Variants in MTREX observed in about 807,000 individuals in gnomAD.
MTREX encodes the protein Mtr4 exosome RNA helicase.
A neutral mutation model predicts 135.4 loss-of-function variants in MTREX; 76 were observed. The ratio of observed to expected loss-of-function variants is 0.56; its 90% CI spans 0.47 to 0.68. The LOEUF is 0.68. MTREX is among the 30% of genes least tolerant of loss of function. The pLI, the probability that MTREX is intolerant of heterozygous loss-of-function variation, is 0.00. For missense variants in MTREX, 920 were observed against 1,262.1 expected (o/e 0.73, Z 4.11); for synonymous variants, 404 against 401.6 (o/e 1.01, Z -0.07).
chr5:55,351,206 G>A (rs1418512148), intron 13 of MTREX, among the ~76,000 whole-genome samples, 177 bp downstream of exon 13: 3 of 151,756 alleles, frequency 2.0e-5, no homozygotes, highest in Non-Finnish European at 4.4e-5. Context: ...TTGAAGTGTA[G>A]GTAAAAAAAA....
Position 55,414,275 on chromosome 5 carries a change from T to G in MTREX, c.2808+37T>G, listed in dbSNP as rs763680683. 2.8e-6 allele frequency: 4 copies of G among 1,434,284 alleles called. No homozygotes were observed. The East Asian group carries it at 9.3e-5, about 34-fold the overall frequency. 88.8% of individuals were successfully genotyped at this position (1,434,284 alleles called of 1,614,324 possible). ...TTTTTTTTTTTTTGAACTACATATT[T>G]TATGAATAGTAGATTGTAAAATAAA... is the stretch of plus-strand genomic sequence containing the variant. On this transcript the variant is annotated intron_variant, in intron 24 of 26. Coordinates refer to ENST00000230640, the MANE Select transcript of MTREX (RefSeq NM_015360.5).
chr5:55,382,622 G>GT (rs543817592), intron 18 of MTREX, among the ~76,000 whole-genome samples: 21 of 150,454 alleles, frequency 1.4e-4, no homozygotes, highest in African/African-American at 2.9e-4. Flanking sequence ...ATCATTTATG[G>GT]TTTTTTTTTG....
At chr5:55,367,213 G>A (rs1403558045) in intron 16 of MTREX, among the ~76,000 whole-genome samples, 2 of 152,146 alleles carry the variant, frequency 1.3e-5, no homozygotes, top group Non-Finnish European at 2.9e-5. Flanking sequence ...GCGGCTGGGC[G>A]CAGTGGCTCA....
chr5:55,417,522 A>G (rs1750985345), intron 25 of MTREX, among the ~76,000 whole-genome samples: 1 of 152,192 alleles, frequency 6.6e-6, no homozygotes, highest in Non-Finnish European at 1.5e-5. Context: ...ATCCACAGAA[A>G]AGTCATGCTT....
intron 1 of MTREX, among the ~76,000 whole-genome samples, chr5:55,311,967 G>A (rs1437733826): frequency 6.6e-6 from 1 of 151,946 alleles, no homozygotes; most frequent in African/African-American, 2.4e-5. Flanking sequence ...TTAGATTCAG[G>A]TTCAGTTTAC....
At position 55,322,413 on chromosome 5, in the gene MTREX, C is replaced by G. The variant is rs1579847797; in HGVS notation, c.221C>G (p.Pro74Arg). Residue 74 changes from proline to arginine, a missense_variant, in exon 2 of 27, where the codon CCC (proline) becomes CGC (arginine). Physicochemically the swap from Pro to Arg is moderately radical, Grantham distance 103. This residue lies in a region of MTREX where 136 missense variants were observed against 126.7 expected (regional missense o/e 1.07). Transcript: ENST00000230640. ...GTAGATTTCGAAGGTACAGATGAACCCATTTTTGGAAAGAAGCCCAGGATA... is the reference window on the plus strand; with the variant it reads ...GTAGATTTCGAAGGTACAGATGAACGCATTTTTGGAAAGAAGCCCAGGATA... ...RDVDFEGTDE[P>R]IFGKKPRIEE... 2.5e-6 allele frequency: 4 copies of G among 1,607,622 alleles called. No homozygotes were observed. Among genetic ancestry groups the G allele is most frequent in the African/African-American group, 1.3e-5 (1 of 74,668 alleles).
chr5:55,340,814 C>A (rs1749636801), intron 6 of MTREX, among the ~76,000 whole-genome samples: 1 of 152,150 alleles, frequency 6.6e-6, no homozygotes, highest in Non-Finnish European at 1.5e-5. Flanking sequence ...ATCTCCTGAC[C>A]TCATGATCTG....
chr5:55,364,350 A>G (rs796592769), intron 15 of MTREX, among the ~76,000 whole-genome samples: 1 of 152,184 alleles, frequency 6.6e-6, no homozygotes, highest in South Asian at 2.1e-4. Flanking sequence ...AGAGTTTACA[A>G]CATGTCCAGT....
chr5:55,414,237 AG>A lies in MTREX; in HGVS notation c.2808+1del. 1 of 1,533,630 alleles carries A rather than the reference AG, an allele frequency of 6.5e-7. No homozygotes were observed. Among genetic ancestry groups the A allele is most frequent in the East Asian group, 2.3e-5 (1 of 43,484 alleles). ...EQLAGPLRQM[Q>X]ECAKRIAKVS... Reference sequence around the variant, plus strand: ...TTAGCAGGACCACTTCGTCAAATGCAGGTAAGGTTTTTTTTTTTTTTTTTTG... The same window carrying A: ...TTAGCAGGACCACTTCGTCAAATGCAGTAAGGTTTTTTTTTTTTTTTTTTG... On this transcript the variant is annotated frameshift_variant and splice_region_variant, in exon 24 of 27. Transcript: ENST00000230640. LOFTEE classifies it high-confidence loss of function.
chr5:55,354,470 C>G (rs2290598), intron 14 of MTREX, among the ~76,000 whole-genome samples: 19,609 of 152,216 alleles, frequency 0.13, 1,499 homozygotes, highest in East Asian at 0.26. Context: ...TGGTGATTCT[C>G]TCTGCTTGGA....
At chr5:55,364,197 G>A (rs1750058997) in intron 15 of MTREX, among the ~76,000 whole-genome samples, 1 of 152,168 alleles carries the variant, frequency 6.6e-6, no homozygotes, top group Non-Finnish European at 1.5e-5. Context: ...CATGTATTTG[G>A]ATTTCTTAGT....
intron 14 of MTREX, among the ~76,000 whole-genome samples, chr5:55,356,092 G>GC (rs1749907728): frequency 6.6e-6 from 1 of 152,210 alleles, no homozygotes; most frequent in East Asian, 1.9e-4. Context: ...GTCACAGACA[G>GC]CCCCCTGTGC....
chr5:55,367,746 G>T (rs1335911287), intron 16 of MTREX, among the ~76,000 whole-genome samples: 1 of 152,162 alleles, frequency 6.6e-6, no homozygotes, highest in Non-Finnish European at 1.5e-5. Context: ...GTGACTGATG[G>T]TCATAAGAGC....
At chr5:55,414,276 TA>T in intron 24 of MTREX, 38 bp downstream of exon 24, 1 of 1,431,352 alleles carries the variant, frequency 7.0e-7, no homozygotes, top group Non-Finnish European at 9.5e-7. Flanking sequence ...CTACATATTT[TA>T]TGAATAGTAG....
intron 3 of MTREX, chr5:55,327,472 A>G: frequency 5.0e-6 from 2 of 403,028 alleles, no homozygotes; most frequent in Non-Finnish European, 9.0e-6. Context: ...TCAGGGAGAT[A>G]AACATCAGCT....
intron 20 of MTREX, among the ~76,000 whole-genome samples, chr5:55,399,060 G>A (rs1412550389): frequency 6.6e-6 from 1 of 152,032 alleles, no homozygotes; most frequent in East Asian, 1.9e-4. Flanking sequence ...CTCTGTTCTG[G>A]AACCTCACAC....
intron 5 of MTREX, among the ~76,000 whole-genome samples, chr5:55,333,642 C>G (rs1022882160): frequency 6.6e-6 from 1 of 152,006 alleles, no homozygotes; most frequent in African/African-American, 2.4e-5. Flanking sequence ...ATTGTAGATA[C>G]TAGAAAACCT....
chr5:55,324,115 A>T lies in MTREX; in HGVS notation c.273-17A>T. Reference sequence around the variant, plus strand: ...AAGTAATTTGTTTTTGTGTAACTTTAAACAATTCTTTTTAAGTTTGGCAGA... The same window carrying T: ...AAGTAATTTGTTTTTGTGTAACTTTTAACAATTCTTTTTAAGTTTGGCAGA... On this transcript the variant is annotated splice_polypyrimidine_tract_variant and intron_variant, in intron 2 of 26. Coordinates refer to ENST00000230640, the MANE Select transcript of MTREX (RefSeq NM_015360.5). The T allele has an allele frequency of 6.3e-7, 1 of 1,594,892 alleles. No homozygotes were observed. Among genetic ancestry groups the T allele is most frequent in the Non-Finnish European group, 8.6e-7 (1 of 1,166,206 alleles).
Position 55,338,463 on chromosome 5 carries a change from G to A in MTREX, c.516-1547G>A, listed in dbSNP as rs575509196. Among the ~76,000 whole-genome samples the A allele has an allele frequency of 3.3e-5, 5 of 151,964 alleles. No homozygotes were observed. In the East Asian group the frequency reaches 7.7e-4, roughly 23 times the overall value. On this transcript the variant is annotated intron_variant, in intron 5 of 26. Transcript: ENST00000230640. ...CTTTGTCATTTAGCAGTTTAACTAT[G>A]ATGTTTCTAGGTATGGTTCTTTTTT...
Sources: allele counts gnomAD v4.1 joint callset (sites outside exome capture counted in the v4.1 genomes callset), GRCh38; gene constraint gnomAD v4.1.1; regional missense constraint gnomAD v4.1.1; transcripts MANE v1.5; gene names NCBI Gene and HGNC (gene_info 2026-07-23, HGNC 2026-07-21).